CDH2: variants seen among roughly 807,000 people sequenced by gnomAD.
CDH2 encodes cadherin-2.
Under a neutral mutation model 92.0 loss-of-function variants are expected in CDH2, and 17 were observed. The observed-to-expected ratio is 0.18, with a 90% CI of 0.13 to 0.28. The LOEUF is 0.28. Among genes scored for constraint, CDH2 ranks in the 10% least tolerant of loss-of-function variants. The probability of loss-of-function intolerance (pLI) is 1.00; values close to 1 mark genes in which losing one functional copy is unlikely to be tolerated. For synonymous variants in CDH2, 419 were observed against 415.9 expected, an observed-to-expected ratio of 1.01 and a Z score of -0.09; for missense variants, 862 against 1,133.1, an observed-to-expected ratio of 0.76 and a Z score of 3.44.
chr18:28,094,649 A>C (rs1401430466), intron 2 of CDH2, among the ~76,000 whole-genome samples: 16 of 149,778 alleles, frequency 1.1e-4, no homozygotes, highest in African/African-American at 2.0e-4. Context: ...AAAAAATTAG[A>C]CAGGTGTGGT....
intron 2 of CDH2, among the ~76,000 whole-genome samples, chr18:28,147,053 T>C (rs1214075345): frequency 1.3e-5 from 2 of 152,126 alleles, no homozygotes; most frequent in African/African-American, 4.8e-5. Context: ...AGAGTTTCCA[T>C]ATGATAACTA....
intron 2 of CDH2, among the ~76,000 whole-genome samples, chr18:28,085,775 A>C (rs2014915778): frequency 6.6e-6 from 1 of 152,150 alleles, no homozygotes; most frequent in African/African-American, 2.4e-5. Context: ...TAATCCTTGA[A>C]TCCCTAGTGC....
Position 27,992,692 on chromosome 18 carries a change from T to A in CDH2, c.1307A>T (p.Asp436Val). Residue 436 changes from aspartate to valine, a missense_variant, in exon 9 of 16, where the codon GAC (aspartate) becomes GTC (valine). Transcript: ENST00000269141. ...DPTGRFAIQT[D>V]PNSNDGLVTV... ...GACTAACCCGTCGTTGCTGTTTGGG[T>A]CGGTCTGGATGGCGAACCGTCCAGT... The A allele has an allele frequency of 6.2e-7, 1 of 1,613,650 alleles. No homozygotes were observed. The highest frequency in any genetic ancestry group is 8.5e-7 in the Non-Finnish European group (1 of 1,179,776).
chr18:28,176,663 G>A (rs2144381334), intron 1 of CDH2, among the ~76,000 whole-genome samples: 1 of 152,070 alleles, frequency 6.6e-6, no homozygotes, highest in East Asian at 1.9e-4. Flanking sequence ...CCTGCTGCCT[G>A]GGGACACCCC....
intron 1 of CDH2, among the ~76,000 whole-genome samples, chr18:28,160,509 T>A (rs908670233): frequency 1.3e-5 from 2 of 152,186 alleles, no homozygotes; most frequent in African/African-American, 4.8e-5. Flanking sequence ...GGGGACAGCA[T>A]GGATTCTGAC....
intron 1 of CDH2, chr18:28,159,109 A>G (rs886624256): frequency 1.3e-5 from 2 of 152,228 alleles, no homozygotes; most frequent in African/African-American, 2.4e-5. Flanking sequence ...AAAAGTTTGT[A>G]AAGTGTTATG....
chr18:28,134,849 C>G (rs1360097201), intron 2 of CDH2, among the ~76,000 whole-genome samples: 5 of 152,090 alleles, frequency 3.3e-5, no homozygotes, highest in African/African-American at 4.8e-5. Flanking sequence ...TTGATGTGTA[C>G]CCTGACTAGC....
intron 2 of CDH2, among the ~76,000 whole-genome samples, chr18:28,054,741 G>T (rs2014259316): frequency 6.6e-6 from 1 of 152,110 alleles, no homozygotes; most frequent in Admixed American, 6.6e-5. Flanking sequence ...CACTCTGTTT[G>T]TTTTTTCCTG....
chr18:28,173,022 A>G (rs1369196756), intron 1 of CDH2, among the ~76,000 whole-genome samples: 2 of 152,150 alleles, frequency 1.3e-5, no homozygotes, highest in African/African-American at 4.8e-5. Flanking sequence ...ATTGTTAATG[A>G]AAAAGAAAAT....
At chr18:28,096,637 G>C (rs1258445706) in intron 2 of CDH2, among the ~76,000 whole-genome samples, 1 of 152,132 alleles carries the variant, frequency 6.6e-6, no homozygotes, top group Non-Finnish European at 1.5e-5. Flanking sequence ...ATCAAAAAGT[G>C]AAGCAAAATC....
intron 2 of CDH2, among the ~76,000 whole-genome samples, chr18:28,062,148 A>G (rs1426767706): frequency 6.6e-6 from 1 of 152,202 alleles, no homozygotes; most frequent in Non-Finnish European, 1.5e-5. Context: ...AGTTTTACAA[A>G]CAGATACAAT....
At chr18:28,123,215 CAGAA>C (rs2015621334) in intron 2 of CDH2, among the ~76,000 whole-genome samples, 1 of 152,024 alleles carries the variant, frequency 6.6e-6, no homozygotes, top group African/African-American at 2.4e-5. Flanking sequence ...CATAACAATT[CAGAA>C]AGAAAGTACA....
chr18:28,155,723 AC>A (rs1233771994), intron 1 of CDH2, among the ~76,000 whole-genome samples: 7 of 152,226 alleles, frequency 4.6e-5, no homozygotes, highest in African/African-American at 1.7e-4. Context: ...TAGAGTAATG[AC>A]ACTGTTCGAG....
At chr18:28,048,479 T>A (rs2144121713) in intron 2 of CDH2, among the ~76,000 whole-genome samples, 1 of 152,276 alleles carries the variant, frequency 6.6e-6, no homozygotes, top group African/African-American at 2.4e-5. Flanking sequence ...TAAATAATGA[T>A]TCTGGTTGTT....
chr18:27,966,992 A>C (rs1384606096), intron 14 of CDH2, among the ~76,000 whole-genome samples: 1 of 152,208 alleles, frequency 6.6e-6, no homozygotes, highest in Non-Finnish European at 1.5e-5. Context: ...GTAATAATTT[A>C]TGATGAGACG....
chr18:28,142,254 T>C (rs955798627), intron 2 of CDH2, among the ~76,000 whole-genome samples: 1 of 151,964 alleles, frequency 6.6e-6, no homozygotes, highest in African/African-American at 2.4e-5. Context: ...TTGCTTTCTT[T>C]AACACATATC....
At chr18:28,081,737 C>A (rs1441209194) in intron 2 of CDH2, among the ~76,000 whole-genome samples, 3 of 152,138 alleles carry the variant, frequency 2.0e-5, no homozygotes, top group Non-Finnish European at 2.9e-5. Context: ...AAAACTGACC[C>A]TTTCTTATGC....
Position 28,177,092 on chromosome 18 carries a change from G to C in CDH2, c.-70C>G. 8.0e-7 allele frequency: 1 copy of C among 1,246,518 alleles called. No homozygotes were observed. Among genetic ancestry groups the C allele is most frequent in the Non-Finnish European group, 1.1e-6 (1 of 909,562 alleles). 77.2% of individuals were successfully genotyped at this position (1,246,518 alleles called of 1,614,324 possible). A position where few individuals can be genotyped will look rare whatever the true frequency, so the allele number is the denominator to read the frequency against. On this transcript the variant is annotated 5_prime_UTR_variant, in exon 1 of 16. Coordinates refer to ENST00000269141, the MANE Select transcript of CDH2 (RefSeq NM_001792.5). Reference sequence around the variant, plus strand: ...GGCGGCGGCGGCGGCGGAGGAGGAGGAGGCAGCGGCAGCACCAACAGCGGC... The same window carrying C: ...GGCGGCGGCGGCGGCGGAGGAGGAGCAGGCAGCGGCAGCACCAACAGCGGC...
intron 2 of CDH2, among the ~76,000 whole-genome samples, chr18:28,079,424 T>C (rs2014784942): frequency 6.6e-6 from 1 of 152,206 alleles, no homozygotes. Context: ...TCAGAATACA[T>C]ATGCAGCTGT....
Sources: allele counts gnomAD v4.1 joint callset (sites outside exome capture counted in the v4.1 genomes callset), GRCh38; gene constraint gnomAD v4.1.1; transcripts MANE v1.5; gene names NCBI Gene and HGNC (gene_info 2026-07-23, HGNC 2026-07-21).